The following BANF1 variants were observed in gnomAD, a reference collection of about 807,000 sequenced individuals.
BANF1 encodes the protein barrier-to-autointegration factor.
For missense variants in BANF1, 47 were observed against 110.4 expected, an observed-to-expected ratio of 0.43 and a Z score of 2.57; for synonymous variants, 49 against 43.7, an observed-to-expected ratio of 1.12 and a Z score of -0.48.
In BANF1 at chr11:66,003,833, T is replaced by C; in HGVS notation, c.*61T>C. 6.2e-7 allele frequency: 1 copy of C among 1,605,826 alleles called. No homozygotes were observed. Among genetic ancestry groups the C allele is most frequent in the Non-Finnish European group, 8.5e-7 (1 of 1,174,656 alleles). ...CCAGAGTTTGCAGCCGAGTAGGGAC[T>C]CCTCCCCTGTCCTCTACGAAGGAAA... On this transcript the variant is annotated 3_prime_UTR_variant, in exon 3 of 3. Transcript: ENST00000312175.
Position 66,003,724 on chromosome 11 carries a change from C to T in BANF1, c.222C>T (p.Ser74=). Residue 74 remains serine, a synonymous_variant, in exon 3 of 3, where the codon TCC becomes TCT. Coordinates refer to ENST00000312175, the MANE Select transcript of BANF1 (RefSeq NM_003860.4). Reference sequence around the variant, plus strand: ...CTTGTGGCGCCAACGCCAAGCAGTCCCGGGACTGCTTCGGATGCCTTCGAG... The same window carrying T: ...CTTGTGGCGCCAACGCCAAGCAGTCTCGGGACTGCTTCGGATGCCTTCGAG... The part of the protein sequence containing the change: ...KDTCGANAKQ[S]RDCFGCLREW... 6.2e-7 allele frequency: 1 copy of T among 1,614,098 alleles called. No homozygotes were observed. Among genetic ancestry groups the T allele is most frequent in the Non-Finnish European group, 8.5e-7 (1 of 1,180,008 alleles).
At chr11:66,003,015 C>T (rs1040290715) in intron 1 of BANF1, 35 of 545,352 alleles carry the variant, frequency 6.4e-5, no homozygotes, top group Non-Finnish European at 1.1e-4. Context: ...GATCGTTTTT[C>T]CTCTGGGGCA....
chr11:66,003,171 G>A, intron 1 of BANF1, 64 bp from the exon 2 acceptor site: 1 of 1,569,736 alleles, frequency 6.4e-7, no homozygotes, highest in Admixed American at 1.7e-5. Context: ...CTATGAGATT[G>A]CTCGTGGGCC....
Position 66,003,226 on chromosome 11 carries a change from G to C in BANF1, c.-16-9G>C. On this transcript the variant is annotated splice_polypyrimidine_tract_variant and intron_variant, in intron 1 of 2. Transcript: ENST00000312175. ...CAGCCCTAATCTGCCTTTTTTTTGG[G>C]ATTCCTAGATTAAGCCTGATCAAGA... The C allele has an allele frequency of 1.2e-6, 2 of 1,612,004 alleles. No individual in the cohort carries two copies. Among genetic ancestry groups the C allele is most frequent in the Non-Finnish European group, 1.7e-6 (2 of 1,179,710 alleles).
chr11:66,002,711 C>G (rs1856025802), intron 1 of BANF1, 141 bp downstream of exon 1: 1 of 109,680 alleles, frequency 9.1e-6, no homozygotes, highest in Admixed American at 1.0e-4. Context: ...GGGTGCAGCG[C>G]GTGGGAGCCG....
intron 1 of BANF1, chr11:66,002,931 A>G: frequency 2.5e-6 from 1 of 398,226 alleles, no homozygotes; most frequent in Non-Finnish European, 4.8e-6. Context: ...AGAGGGAGTG[A>G]TAGCTTCCGC....
intron 1 of BANF1, chr11:66,002,934 GCTT>G: frequency 2.5e-6 from 1 of 401,978 alleles, no homozygotes; most frequent in East Asian, 5.8e-5. Context: ...GGGAGTGATA[GCTT>G]CCGCGCAGCC....
At position 66,003,289 on chromosome 11, in the gene BANF1, G is replaced by T; in HGVS notation, c.39G>T (p.Glu13Asp). Reference protein sequence around the residue: ...TSQKHRDFVAEPMGEKPVGSL... With the variant: ...TSQKHRDFVADPMGEKPVGSL... ...AAAAGCACCGAGACTTCGTGGCAGA[G>T]CCCATGGGGGAGAAGCCAGTGGGGA... The change falls in exon 2 of 3, where the codon GAG becomes GAT. Residue 13 changes from glutamate (E) to aspartate (D), a missense_variant. Transcript: ENST00000312175. 1 of 1,613,786 alleles carries T rather than the reference G, an allele frequency of 6.2e-7. No homozygotes were observed.
At chr11:66,003,469 G>A (rs1856058628) in intron 2 of BANF1, 96 bp downstream of exon 2, 3 of 1,609,240 alleles carry the variant, frequency 1.9e-6, no homozygotes, top group Non-Finnish European at 2.5e-6. Context: ...ATCTGAAGAG[G>A]CTGCCAGAGC....
rs764438630 is a variant in BANF1, at chr11:66,003,245, A to T, written c.-6A>T. On this transcript the variant is annotated 5_prime_UTR_variant, in exon 2 of 3. Coordinates refer to ENST00000312175, the MANE Select transcript of BANF1 (RefSeq NM_003860.4). ...TTTTGGGATTCCTAGATTAAGCCTG[A>T]TCAAGATGACAACCTCCCAAAAGCA... The T allele has an allele frequency of 6.2e-7, 1 of 1,612,848 alleles. No homozygotes were observed. Among genetic ancestry groups the T allele is most frequent in the Non-Finnish European group, 8.5e-7 (1 of 1,179,802 alleles).
intron 1 of BANF1, chr11:66,002,878 C>T (rs1396332805): frequency 1.8e-5 from 6 of 330,210 alleles, no homozygotes; most frequent in Non-Finnish European, 3.5e-5. Context: ...CGCCAAGTGG[C>T]CGTTCCAGGC....
intron 1 of BANF1, 132 bp from the exon 2 acceptor site, chr11:66,003,103 C>G: frequency 1.1e-6 from 1 of 936,220 alleles, no homozygotes; most frequent in East Asian, 2.6e-5. Context: ...CTGTTTTCTC[C>G]TTTCAGGATG....
At chr11:66,002,601 T>C (rs1380736635) in intron 1 of BANF1, 31 bp downstream of exon 1, 3 of 152,402 alleles carry the variant, frequency 2.0e-5, no homozygotes, top group East Asian at 3.9e-4. Flanking sequence ...AGGGCCCTGA[T>C]TGGAGGCCAG....
At position 66,003,866 on chromosome 11, in the gene BANF1, T is replaced by G. The variant is rs983367159; in HGVS notation, c.*94T>G. On this transcript the variant is annotated 3_prime_UTR_variant, in exon 3 of 3. Transcript: ENST00000312175. ...TGTCCTCTACGAAGGAAAAGATTGC[T>G]ATTGTCGTACTCACCTCCGACGTAC... 1.3e-6 allele frequency: 2 copies of G among 1,574,670 alleles called. No homozygotes were observed. Among genetic ancestry groups the G allele is most frequent in the Non-Finnish European group, 1.7e-6 (2 of 1,152,408 alleles).
At chr11:66,002,807 T>G (rs1590668940) in intron 1 of BANF1, 1 of 179,704 alleles carries the variant, frequency 5.6e-6, no homozygotes, top group Non-Finnish European at 1.2e-5. Flanking sequence ...GGAGCGGGTG[T>G]GCGCAGCGCT....
At chr11:66,003,096 T>G (rs2134970616) in intron 1 of BANF1, 139 bp from the exon 2 acceptor site, 1 of 878,984 alleles carries the variant, frequency 1.1e-6, no homozygotes, top group Non-Finnish European at 1.9e-6. Flanking sequence ...CCTGGAACTG[T>G]TTTCTCCTTT....
intron 1 of BANF1, 95 bp from the exon 2 acceptor site, chr11:66,003,140 C>G (rs1856046107): frequency 7.3e-7 from 1 of 1,372,382 alleles, no homozygotes; most frequent in Non-Finnish European, 1.0e-6. Context: ...CCACTGTAAC[C>G]CCTGGCTTGG....
At position 66,003,514 on chromosome 11, in the gene BANF1, C is replaced by T; in HGVS notation, c.124-112C>T. On this transcript the variant is annotated intron_variant, in intron 2 of 2. Transcript: ENST00000312175. ...TGGTGGAGAGGAGAGGGGGGCAAAA[C>T]CCGCGCTGCTTCCTGGGCTTGTGTG... 20 of 1,609,896 alleles carry T rather than the reference C, an allele frequency of 1.2e-5. No homozygotes were observed. The Middle Eastern group carries it at 6.6e-4, about 53-fold the overall frequency.
Position 66,003,272 on chromosome 11 carries a change from C to G in BANF1, c.22C>G (p.Arg8Gly). 1 of 1,613,582 alleles carries G rather than the reference C, an allele frequency of 6.2e-7. No individual in the cohort carries two copies. Among genetic ancestry groups the G allele is most frequent in the Non-Finnish European group, 8.5e-7 (1 of 1,179,824 alleles). Residue 8 changes from arginine (R) to glycine (G), a missense_variant, in exon 2 of 3, where the codon CGA (arginine) becomes GGA (glycine). Physicochemically the swap from Arg to Gly is moderately radical, Grantham distance 125. Transcript: ENST00000312175. Reference protein sequence around the residue: MTTSQKHRDFVAEPMGEK... With the variant: MTTSQKHGDFVAEPMGEK... ...CAAGATGACAACCTCCCAAAAGCACCGAGACTTCGTGGCAGAGCCCATGGG... is the reference window on the plus strand; with the variant it reads ...CAAGATGACAACCTCCCAAAAGCACGGAGACTTCGTGGCAGAGCCCATGGG...
Sources: allele counts gnomAD v4.1 joint callset, GRCh38; gene constraint gnomAD v4.1.1; transcripts MANE v1.5; gene names NCBI Gene and HGNC (gene_info 2026-07-23, HGNC 2026-07-21).